Variants in MROH2B observed in about 807,000 individuals in gnomAD.
The protein encoded by MROH2B is maestro heat-like repeat-containing protein family member 2B.
In MROH2B, 177 loss-of-function variants were observed where a neutral mutation model predicts 208.6. The observed-to-expected ratio is 0.85, with a 90% CI of 0.75 to 0.96. The LOEUF is 0.96. MROH2B is among the 40% of genes least tolerant of loss of function. MROH2B has a pLI of 0.00. For missense variants in MROH2B, 2,002 were observed against 1,878.7 expected (o/e 1.07, Z -1.21); for synonymous variants, 728 against 659.0 (o/e 1.10, Z -1.60).
chr5:41,067,025 C>A (rs1743833413), intron 3 of MROH2B, 83 bp downstream of exon 3: 1 of 750,334 alleles, frequency 1.3e-6, no homozygotes, highest in East Asian at 2.7e-5. Context: ...GTCCTGGCAA[C>A]AGTGTAGAAG....
At chr5:41,026,038 A>T (rs1742347368) in intron 24 of MROH2B, among the ~76,000 whole-genome samples, 1 of 151,980 alleles carries the variant, frequency 6.6e-6, no homozygotes, top group South Asian at 2.1e-4. Context: ...GATGTATCTC[A>T]AAATAATAAG....
chr5:41,018,247 C>T (rs954334768), intron 27 of MROH2B, 94 bp downstream of exon 27: 209 of 1,243,970 alleles, frequency 1.7e-4, no homozygotes, highest in Non-Finnish European at 2.2e-4. Context: ...CTGAGATGCA[C>T]GATCCATCAT....
Position 41,058,109 on chromosome 5 carries a change from A to C in MROH2B, c.710T>G (p.Leu237Arg). ...RGYALGQVPW[L>R]LNQYKDKEID... ...CTCTTTGTCTTTATACTGGTTCAGG[A>C]GCCAGGGCACCTGGCCCAGGGCGTA... is the stretch of plus-strand genomic sequence containing the variant. The change falls in exon 7 of 42, where the codon CTC (leucine) becomes CGC (arginine). Residue 237 changes from leucine to arginine, a missense_variant. Coordinates refer to ENST00000399564, the MANE Select transcript of MROH2B (RefSeq NM_173489.5). 1 of 1,606,490 alleles carries C rather than the reference A, an allele frequency of 6.2e-7. No individual in the cohort carries two copies. The highest frequency in any genetic ancestry group is 8.5e-7 in the Non-Finnish European group (1 of 1,176,282).
At chr5:41,026,990 G>C (rs548605582) in intron 24 of MROH2B, among the ~76,000 whole-genome samples, 4 of 152,300 alleles carry the variant, frequency 2.6e-5, no homozygotes, top group African/African-American at 9.6e-5. Context: ...GCCATATGTA[G>C]AAAGCTGAAA....
chr5:41,050,199 G>A (rs975365528), intron 13 of MROH2B, among the ~76,000 whole-genome samples: 6 of 152,030 alleles, frequency 3.9e-5, no homozygotes, highest in African/African-American at 9.7e-5. Flanking sequence ...TACAATTATC[G>A]TTTTAAATGT....
At chr5:41,065,305 A>G in intron 4 of MROH2B, 26 bp downstream of exon 4, 1 of 1,586,772 alleles carries the variant, frequency 6.3e-7, no homozygotes, top group Non-Finnish European at 8.6e-7. Flanking sequence ...TTTCCCAGGG[A>G]AAATTGGAGA....
At chr5:41,056,047 G>C (rs148876080) in intron 9 of MROH2B, among the ~76,000 whole-genome samples, 192 bp from the exon 10 acceptor site, 15 of 152,340 alleles carry the variant, frequency 9.8e-5, no homozygotes, top group African/African-American at 3.1e-4. Context: ...AGAGCTTGCT[G>C]TGCCTAGGCC....
chr5:41,058,920 C>T (rs1299922791), intron 6 of MROH2B, among the ~76,000 whole-genome samples: 1 of 151,470 alleles, frequency 6.6e-6, no homozygotes, highest in African/African-American at 2.4e-5. Context: ...TGGTGGTGGG[C>T]GCCTGTAATC....
Position 41,058,543 on chromosome 5 carries a change from C to T in MROH2B, c.616-340G>A, listed in dbSNP as rs570797424. On this transcript the variant is annotated intron_variant, in intron 6 of 41. Transcript: ENST00000399564. ...CACGATCTCAGCTCACTGCAACCTC[C>T]GCCTCCCAGATTCAAGCAATTCTCC... Among the ~76,000 whole-genome samples, 6 of 152,064 alleles carry T rather than the reference C, an allele frequency of 3.9e-5. No homozygotes were observed. The East Asian group carries it at 7.8e-4, about 20-fold the overall frequency.
chr5:41,057,760 T>C (rs566724293), intron 7 of MROH2B, among the ~76,000 whole-genome samples: 1 of 151,764 alleles, frequency 6.6e-6, no homozygotes, highest in East Asian at 2.0e-4. Context: ...TTTCATCCTA[T>C]TGGCCAGTCT....
At chr5:41,019,375 T>C (rs769936881) in intron 24 of MROH2B, among the ~76,000 whole-genome samples, 1 of 151,958 alleles carries the variant, frequency 6.6e-6, no homozygotes, top group African/African-American at 2.4e-5. Flanking sequence ...AGAGAGAGAA[T>C]GATAGAGAGA....
intron 19 of MROH2B, among the ~76,000 whole-genome samples, chr5:41,039,828 A>G (rs184065203): frequency 3.0e-4 from 46 of 152,336 alleles, no homozygotes; most frequent in Middle Eastern, 6.8e-3. Flanking sequence ...TAAGTAAAGC[A>G]GGAGTAGGTA....
At chr5:41,001,079 T>C (rs114437042) in intron 37 of MROH2B, among the ~76,000 whole-genome samples, 449 of 152,260 alleles carry the variant, frequency 2.9e-3, no homozygotes, top group African/African-American at 0.01. Context: ...AGAGAATTGA[T>C]TTCTGTCTTT....
chr5:41,004,701 T>G lies in MROH2B; in HGVS notation c.4011+73A>C, dbSNP rs148387959. On this transcript the variant is annotated intron_variant, in intron 36 of 41. Coordinates refer to ENST00000399564, the MANE Select transcript of MROH2B (RefSeq NM_173489.5). ...TTCCAATTAATTTGTATGCAACAAC[T>G]AGGCGTGGGTTATTAAATCATTATT... 1.1e-4 allele frequency: 172 copies of G among 1,556,002 alleles called. No individual in the cohort carries two copies. The East Asian group carries it at 3.4e-3, about 30-fold the overall frequency.
At chr5:41,059,990 G>A (rs1462938174) in intron 6 of MROH2B, among the ~76,000 whole-genome samples, 1 of 152,052 alleles carries the variant, frequency 6.6e-6, no homozygotes, top group African/African-American at 2.4e-5. Flanking sequence ...CTGTACCATA[G>A]GTGTTCAAAT....
At chr5:41,002,827 A>G (rs1290415909) in intron 37 of MROH2B, among the ~76,000 whole-genome samples, 2 of 152,168 alleles carry the variant, frequency 1.3e-5, no homozygotes, top group Non-Finnish European at 2.9e-5. Flanking sequence ...TTATTATTGG[A>G]TCAACAACAA....
chr5:41,010,203 T>C (rs781575774), intron 30 of MROH2B, 124 bp from the exon 31 acceptor site: 15 of 861,424 alleles, frequency 1.7e-5, no homozygotes, highest in South Asian at 4.8e-5. Flanking sequence ...AAATAATAAT[T>C]GATTTCACAT....
Position 41,028,066 on chromosome 5 carries a change from A to C in MROH2B, c.2441+4676T>G, listed in dbSNP as rs537338391. On this transcript the variant is annotated intron_variant, in intron 24 of 41. Transcript: ENST00000399564. ...GGTGGGGGGATGGGGGAGGGATAGC[A>C]TTAGGAGATATACCTAATGTAAATG... Among the ~76,000 whole-genome samples the C allele has an allele frequency of 3.3e-5, 5 of 152,320 alleles. No homozygotes were observed. The South Asian group carries it at 8.3e-4, about 25-fold the overall frequency.
chr5:41,036,153 C>A (rs1742752512), intron 21 of MROH2B, among the ~76,000 whole-genome samples: 1 of 151,298 alleles, frequency 6.6e-6, no homozygotes, highest in African/African-American at 2.4e-5. Context: ...CACACACACA[C>A]CCCACATTTA....
Sources: gnomAD v4.1 joint callset for allele counts (sites outside exome capture counted in the v4.1 genomes callset) on GRCh38, gnomAD v4.1.1 for gene constraint, MANE v1.5 for transcripts, NCBI Gene and HGNC (gene_info 2026-07-23, HGNC 2026-07-21) for gene names.